The following ITPRID1 variants were observed in gnomAD, a reference collection of about 807,000 sequenced individuals.
The protein encoded by ITPRID1 is ITPR interacting domain containing 1.
In ITPRID1, 96 loss-of-function variants were observed where a neutral mutation model predicts 95.4. That is an observed-to-expected ratio of 1.01 (90% confidence interval 0.85 to 1.19). The LOEUF is 1.19. Among genes scored for constraint, ITPRID1 ranks in the 50% most tolerant of loss-of-function variants. The probability of loss-of-function intolerance (pLI) is 0.00; values close to 1 mark genes in which losing one functional copy is unlikely to be tolerated. For synonymous variants in ITPRID1, 510 were observed against 453.6 expected, an observed-to-expected ratio of 1.12 and a Z score of -1.58; for missense variants, 1,339 against 1,252.9, an observed-to-expected ratio of 1.07 and a Z score of -1.04.
downstream of ITPRID1, among the ~76,000 whole-genome samples, chr7:31,658,077 C>T (rs895976464): frequency 2.0e-5 from 3 of 152,118 alleles, no homozygotes; most frequent in Admixed American, 6.6e-5. Context: ...TCCTTGATTT[C>T]GTTATGCATG....
Position 31,642,909 on chromosome 7 carries a change from G to A in ITPRID1, c.1539G>A (p.Gly513=). The A allele has an allele frequency of 6.2e-7, 1 of 1,614,016 alleles. No homozygotes were observed. The highest frequency in any genetic ancestry group is 8.5e-7 in the Non-Finnish European group (1 of 1,179,890). The stretch of plus-strand genomic sequence containing the variant: ...AGTTTCTGCTTGAGGCCATGGAGGG[G>A]CCACCAGAGCTGTATATCCCAGACA... The part of the protein sequence containing the change: ...EEEFLLEAME[G]PPELYIPDMA... Residue 513 remains glycine, a synonymous_variant, in exon 12 of 15, where the codon GGG becomes GGA. Coordinates refer to ENST00000615280, the MANE Select transcript of ITPRID1 (RefSeq NM_001257967.3).
rs1562598982 is a variant in ITPRID1, at chr7:31,599,656, TTTC to T, written c.1228+16466_1228+16468del. Among the ~76,000 whole-genome samples the T allele has an allele frequency of 4.4e-3, 62 of 14,248 alleles. 1 individual carries two copies. The highest frequency in any genetic ancestry group is 9.9e-3 in the African/African-American group (53 of 5,376). 9.3% of individuals were successfully genotyped at this position (14,248 alleles called of 152,430 possible). On this transcript the variant is annotated intron_variant, in intron 10 of 14. Transcript: ENST00000615280. ...TTCTTTCTTTCTTTCTTTTTCTTTC[TTTC>T]CTTTCTCTCTCTCTCTCTCTCTCTC...
intron 10 of ITPRID1, among the ~76,000 whole-genome samples, chr7:31,613,824 C>A (rs1324345220): frequency 6.6e-6 from 1 of 152,144 alleles, no homozygotes; most frequent in African/African-American, 2.4e-5. Context: ...TTGCCCTCTG[C>A]ACAGCATAAT....
chr7:31,575,821 C>T (rs999976249), intron 8 of ITPRID1, among the ~76,000 whole-genome samples: 6 of 152,128 alleles, frequency 3.9e-5, no homozygotes, highest in Admixed American at 3.9e-4. Flanking sequence ...TTGGAGTTCT[C>T]ATTTTAGCTC....
At chr7:31,521,619 C>CTT (rs1366537332) in intron 1 of ITPRID1, among the ~76,000 whole-genome samples, 2,436 of 34,588 alleles carry the variant, frequency 0.07, 130 homozygotes, top group East Asian at 0.15. Flanking sequence ...TTCTCCTTTC[C>CTT]CTCCTTCCTT....
chr7:31,602,530 G>A (rs766585963), intron 10 of ITPRID1, among the ~76,000 whole-genome samples: 63 of 152,140 alleles, frequency 4.1e-4, no homozygotes, highest in Non-Finnish European at 8.2e-4. Flanking sequence ...AGGACCCAGC[G>A]CCTGCACGAG....
intron 12 of ITPRID1, among the ~76,000 whole-genome samples, chr7:31,645,661 C>T (rs987797367): frequency 3.3e-5 from 5 of 152,094 alleles, no homozygotes; most frequent in Non-Finnish European, 7.4e-5. Context: ...TTTAAATGCC[C>T]TAAGTAAATG....
At chr7:31,540,191 T>C (rs1783888987) in intron 1 of ITPRID1, among the ~76,000 whole-genome samples, 1 of 152,022 alleles carries the variant, frequency 6.6e-6, no homozygotes, top group Non-Finnish European at 1.5e-5. Flanking sequence ...CGTCTGTAGA[T>C]GTTGTTGGGT....
At chr7:31,569,300 A>G (rs1784902601) in intron 5 of ITPRID1, among the ~76,000 whole-genome samples, 2 of 152,162 alleles carry the variant, frequency 1.3e-5, no homozygotes, top group South Asian at 4.1e-4. Flanking sequence ...CTGTCCCCAC[A>G]CTACTTCACA....
At chr7:31,557,058 G>A (rs1001038998) in intron 5 of ITPRID1, among the ~76,000 whole-genome samples, 3 of 151,762 alleles carry the variant, frequency 2.0e-5, no homozygotes, top group Non-Finnish European at 2.9e-5. Context: ...TTCTCCTTGT[G>A]AGTCTTTTCC....
At chr7:31,622,981 C>T (rs562426499) in intron 10 of ITPRID1, among the ~76,000 whole-genome samples, 16 of 152,042 alleles carry the variant, frequency 1.1e-4, no homozygotes, top group South Asian at 1.0e-3. Flanking sequence ...CAAACATCTA[C>T]GCCAATAAAC....
At position 31,622,384 on chromosome 7, in the gene ITPRID1, G is replaced by T. The variant is rs529646352; in HGVS notation, c.1229-19792G>T. On this transcript the variant is annotated intron_variant, in intron 10 of 14. Coordinates refer to ENST00000615280, the MANE Select transcript of ITPRID1 (RefSeq NM_001257967.3). ...AAAGCTCTCCTCAGCAAATGTAAAA[G>T]AACAGAAATCATAACAAACTATCTC... is the stretch of plus-strand genomic sequence containing the variant. Among the ~76,000 whole-genome samples, 60 of 152,098 alleles carry T rather than the reference G, an allele frequency of 3.9e-4. 1 individual carries two copies. The highest frequency in any genetic ancestry group is 6.8e-3 in the Middle Eastern group (2 of 294).
chr7:31,559,629 C>T (rs747507514), intron 5 of ITPRID1, among the ~76,000 whole-genome samples: 10 of 152,166 alleles, frequency 6.6e-5, no homozygotes, highest in Non-Finnish European at 1.3e-4. Context: ...CATGCCACTG[C>T]ACTCCAGCCT....
chr7:31,625,837 TCTTTATAAAGCTA>T (rs2128186529), intron 10 of ITPRID1, among the ~76,000 whole-genome samples: 1 of 152,332 alleles, frequency 6.6e-6, no homozygotes, highest in South Asian at 2.1e-4. Context: ...TTAAATTTTT[TCTTTATAAAGCTA>T]TTTTATAAAT....
Position 31,652,917 on chromosome 7 carries a change from G to C in ITPRID1, c.*88G>C. On this transcript the variant is annotated 3_prime_UTR_variant, in exon 15 of 15. Coordinates refer to ENST00000615280, the MANE Select transcript of ITPRID1 (RefSeq NM_001257967.3). ...AATTTCAATTTTCCCCAAGGAGAAG[G>C]GTCTGCCAACCCATTGTCAGCTATA... 1 of 1,537,606 alleles carries C rather than the reference G, an allele frequency of 6.5e-7. No homozygotes were observed.
chr7:31,590,692 G>C (rs9886181), intron 10 of ITPRID1, among the ~76,000 whole-genome samples: 16,412 of 152,100 alleles, frequency 0.11, 998 homozygotes, highest in African/African-American at 0.13. Context: ...ATTCCTTCTT[G>C]GGAGGAAGAT....
intron 5 of ITPRID1, chr7:31,555,200 A>G: frequency 4.1e-6 from 1 of 242,744 alleles, no homozygotes; most frequent in Non-Finnish European, 7.9e-6. Context: ...AGTTATGAAA[A>G]TGAAATTGTT....
At chr7:31,599,609 CT>C (rs1491058393) in intron 10 of ITPRID1, among the ~76,000 whole-genome samples, 1 of 49,114 alleles carries the variant, frequency 2.0e-5, no homozygotes, top group African/African-American at 5.9e-5. Context: ...TTCTTTCTTT[CT>C]TTCTTTCTTT....
At chr7:31,598,699 G>T (rs973729850) in intron 10 of ITPRID1, among the ~76,000 whole-genome samples, 6 of 151,794 alleles carry the variant, frequency 4.0e-5, no homozygotes, top group Admixed American at 2.0e-4. Context: ...CACCGCGCTC[G>T]GTCTAAAATA....
Sources: allele counts gnomAD v4.1 joint callset (sites outside exome capture counted in the v4.1 genomes callset), GRCh38; gene constraint gnomAD v4.1.1; transcripts MANE v1.5; gene names NCBI Gene and HGNC (gene_info 2026-07-23, HGNC 2026-07-21).